MRPS6: variants seen among roughly 807,000 people sequenced by gnomAD.
MRPS6 encodes the protein mitochondrial ribosomal protein S6, also known as small ribosomal subunit protein bS6m.
MRPS6 carries 6 observed loss-of-function variants against 13.1 expected under a neutral mutation model. That is an observed-to-expected ratio of 0.46 (90% CI 0.25 to 0.91). The LOEUF (loss-of-function observed/expected upper bound fraction) is 0.91, where lower values mean the gene tolerates loss of function less well. Ranked by LOEUF, MRPS6 falls within the 40% of genes least tolerant of loss-of-function variation. The pLI is 0.18. For synonymous variants in MRPS6, 61 were observed against 56.5 expected (o/e 1.08, Z -0.36); for missense variants, 164 against 155.6 (o/e 1.05, Z -0.29).
chr21:34,125,178 C>G (rs1054561904), intron 1 of MRPS6, 163 bp from the exon 2 acceptor site: 5 of 1,063,082 alleles, frequency 4.7e-6, no homozygotes, highest in South Asian at 1.9e-5. Flanking sequence ...AATTCTCTCT[C>G]TCTTTTATTT....
chr21:34,101,818 G>A, intron 1 of MRPS6: 3 of 998,836 alleles, frequency 3.0e-6, no homozygotes, highest in African/African-American at 3.5e-5. Flanking sequence ...CTCACACTTT[G>A]TGTTGGCTAA....
chr21:34,110,141 A>G (rs1367569908), intron 1 of MRPS6, among the ~76,000 whole-genome samples: 1 of 152,106 alleles, frequency 6.6e-6, no homozygotes, highest in Non-Finnish European at 1.5e-5. Flanking sequence ...AGCGATGAAA[A>G]TTGTTCACAT....
chr21:34,131,140 A>G (rs1980487338), intron 2 of MRPS6, among the ~76,000 whole-genome samples: 1 of 152,204 alleles, frequency 6.6e-6, no homozygotes, highest in African/African-American at 2.4e-5. Flanking sequence ...GAAAATGGAA[A>G]ACTAGCTATT....
chr21:34,101,248 G>A (rs1295256336), intron 1 of MRPS6: 2 of 1,000,024 alleles, frequency 2.0e-6, no homozygotes, highest in East Asian at 2.3e-4. Flanking sequence ...TAGATTTAGA[G>A]CTTGAAGCAC....
chr21:34,117,216 C>T (rs150853245), intron 1 of MRPS6, among the ~76,000 whole-genome samples: 1 of 152,242 alleles, frequency 6.6e-6, no homozygotes, highest in African/African-American at 2.4e-5. Context: ...AGGCTTCTAC[C>T]TATACTAAAT....
At chr21:34,086,989 C>CT (rs950751654) in intron 1 of MRPS6, among the ~76,000 whole-genome samples, 1 of 152,150 alleles carries the variant, frequency 6.6e-6, no homozygotes, top group Non-Finnish European at 1.5e-5. Context: ...TCACTGCACA[C>CT]TAAGAGGTGG....
intron 1 of MRPS6, chr21:34,106,252 A>G: frequency 1.2e-6 from 1 of 816,012 alleles, no homozygotes; most frequent in Non-Finnish European, 1.5e-6. Flanking sequence ...GAATAAAATG[A>G]AAAATTTATA....
chr21:34,129,721 G>A (rs756683600), intron 2 of MRPS6, among the ~76,000 whole-genome samples: 14 of 152,096 alleles, frequency 9.2e-5, no homozygotes, highest in African/African-American at 1.9e-4. Context: ...TAGTTTTCCC[G>A]TTAGCTAACA....
chr21:34,130,202 A>G, intron 2 of MRPS6, among the ~76,000 whole-genome samples: 1 of 152,028 alleles, frequency 6.6e-6, no homozygotes, highest in East Asian at 1.9e-4. Flanking sequence ...GGTGAGAGAG[A>G]GACAAAGAAT....
intron 2 of MRPS6, among the ~76,000 whole-genome samples, chr21:34,134,537 A>G (rs1459001085): frequency 6.6e-6 from 1 of 152,196 alleles, no homozygotes; most frequent in Non-Finnish European, 1.5e-5. Flanking sequence ...GCATATATTT[A>G]AAGTGTATAA....
At chr21:34,131,112 T>G (rs551941825) in intron 2 of MRPS6, among the ~76,000 whole-genome samples, 1 of 152,190 alleles carries the variant, frequency 6.6e-6, no homozygotes, top group Admixed American at 6.5e-5. Context: ...ATTGATTCAA[T>G]CACCAAGAGT....
intron 2 of MRPS6, among the ~76,000 whole-genome samples, chr21:34,140,792 A>G (rs1460115294): frequency 6.6e-6 from 1 of 151,574 alleles, no homozygotes; most frequent in East Asian, 1.9e-4. Flanking sequence ...ATTATTATGT[A>G]TTGTCTCTTT....
At chr21:34,113,218 A>G (rs1979772809) in intron 1 of MRPS6, among the ~76,000 whole-genome samples, 1 of 152,252 alleles carries the variant, frequency 6.6e-6, no homozygotes, top group Non-Finnish European at 1.5e-5. Flanking sequence ...CATATGATCC[A>G]GCAGTCTTAC....
At chr21:34,095,808 A>G in intron 1 of MRPS6, 5 of 1,614,114 alleles carry the variant, frequency 3.1e-6, no homozygotes, top group Non-Finnish European at 3.4e-6. Context: ...GATTATTAGC[A>G]TAATGGAGAT....
At chr21:34,131,099 C>T (rs539918933) in intron 2 of MRPS6, among the ~76,000 whole-genome samples, 4 of 152,278 alleles carry the variant, frequency 2.6e-5, no homozygotes, top group Non-Finnish European at 1.5e-5. Context: ...GAGCTGTGTA[C>T]TTATTGATTC....
chr21:34,099,305 CTT>C (rs1979123154), intron 1 of MRPS6: 1 of 1,000,146 alleles, frequency 1.0e-6, no homozygotes. Flanking sequence ...TATGAAGTCT[CTT>C]TTGGGAAGAA....
At chr21:34,129,278 T>G (rs1383404162) in intron 2 of MRPS6, among the ~76,000 whole-genome samples, 1 of 152,068 alleles carries the variant, frequency 6.6e-6, no homozygotes, top group Non-Finnish European at 1.5e-5. Flanking sequence ...CGGTTCTCTT[T>G]CCACTAGATG....
At chr21:34,137,045 A>G (rs148598513) in intron 2 of MRPS6, among the ~76,000 whole-genome samples, 1 of 152,186 alleles carries the variant, frequency 6.6e-6, no homozygotes, top group Non-Finnish European at 1.5e-5. Flanking sequence ...GTATCTGTAC[A>G]TGAATATCAT....
At chr21:34,112,065 T>C (rs1457395359) in intron 1 of MRPS6, among the ~76,000 whole-genome samples, 6 of 152,222 alleles carry the variant, frequency 3.9e-5, no homozygotes, top group South Asian at 2.1e-4. Context: ...AACTTCATTA[T>C]GCATCTCTGT....
Sources: gnomAD v4.1 joint callset for allele counts (sites outside exome capture counted in the v4.1 genomes callset) on GRCh38, gnomAD v4.1.1 for gene constraint, MANE v1.5 for transcripts, NCBI Gene and HGNC (gene_info 2026-07-23, HGNC 2026-07-21) for gene names.